Variants in PDE1A observed in about 807,000 individuals in gnomAD.
The protein encoded by PDE1A is dual specificity calcium/calmodulin-dependent 3',5'-cyclic nucleotide phosphodiesterase 1A.
Under a neutral mutation model 61.7 loss-of-function variants are expected in PDE1A, and 35 were observed. The ratio of observed to expected loss-of-function variants is 0.57; its 90% CI spans 0.43 to 0.75. PDE1A has a LOEUF of 0.75. PDE1A is among the 30% of genes least tolerant of loss of function. The pLI is 0.00. For missense variants in PDE1A, 597 were observed against 630.6 expected, an observed-to-expected ratio of 0.95 and a Z score of 0.57; for synonymous variants, 232 against 213.2, an observed-to-expected ratio of 1.09 and a Z score of -0.77.
chr2:182,630,315 C>G, the PDE1A span, among the ~76,000 whole-genome samples: 2 of 152,072 alleles, frequency 1.3e-5, no homozygotes, highest in Non-Finnish European at 2.9e-5. Context: ...TTATTTACTT[C>G]CTGATGGATT....
intron 2 of PDE1A, among the ~76,000 whole-genome samples, chr2:182,505,801 C>T (rs1219181565): frequency 6.6e-6 from 1 of 152,106 alleles, no homozygotes; most frequent in Non-Finnish European, 1.5e-5. Flanking sequence ...AGAGATTAGT[C>T]AAGAGAATGG....
At chr2:182,389,403 A>G (rs191036328) in intron 1 of PDE1A, among the ~76,000 whole-genome samples, 37 of 152,324 alleles carry the variant, frequency 2.4e-4, no homozygotes, top group Admixed American at 1.7e-3. Flanking sequence ...TACAAACCAT[A>G]GCAAGAATAC....
the PDE1A span, among the ~76,000 whole-genome samples, chr2:182,662,125 G>T: frequency 6.6e-6 from 1 of 151,706 alleles, no homozygotes; most frequent in Non-Finnish European, 1.5e-5. Flanking sequence ...AGTTTAAATG[G>T]TATACTATGA....
At chr2:182,622,690 G>A in the PDE1A span, among the ~76,000 whole-genome samples, 90 of 152,248 alleles carry the variant, frequency 5.9e-4, no homozygotes, top group African/African-American at 1.9e-3. Flanking sequence ...GGAAGCAAAG[G>A]TACTGACCTG....
chr2:182,375,641 T>C (rs1050234253), intron 1 of PDE1A, among the ~76,000 whole-genome samples: 7 of 152,224 alleles, frequency 4.6e-5, no homozygotes, highest in Non-Finnish European at 7.3e-5. Context: ...TTCTGGGGTC[T>C]GGAAGATGGT....
intron 2 of PDE1A, among the ~76,000 whole-genome samples, chr2:182,465,072 GTTT>G (rs1686565625): frequency 6.6e-6 from 1 of 151,974 alleles, no homozygotes; most frequent in Admixed American, 6.6e-5. Flanking sequence ...CATTGCCTCA[GTTT>G]TTTTAATTTG....
chr2:182,556,694 T>C, the PDE1A span, among the ~76,000 whole-genome samples: 1 of 152,214 alleles, frequency 6.6e-6, no homozygotes, highest in African/African-American at 2.4e-5. Context: ...TGCCCTAATT[T>C]TATTTCTTAA....
intron 1 of PDE1A, among the ~76,000 whole-genome samples, chr2:182,338,575 A>G (rs1022141435): frequency 1.3e-5 from 2 of 152,066 alleles, no homozygotes; most frequent in Non-Finnish European, 2.9e-5. Flanking sequence ...TCCAGGCTGG[A>G]GAGTAGTGGT....
At chr2:182,212,210 T>C (rs1452773323) in intron 7 of PDE1A, among the ~76,000 whole-genome samples, 5 of 150,762 alleles carry the variant, frequency 3.3e-5, no homozygotes, top group African/African-American at 4.9e-5. Context: ...ATATATTACG[T>C]ACGAGATAAT....
intron 2 of PDE1A, among the ~76,000 whole-genome samples, chr2:182,494,325 TG>T (rs1688580679): frequency 1.9e-5 from 1 of 52,248 alleles, no homozygotes. Flanking sequence ...AAAAAGAAAC[TG>T]TGTAGACTAT....
chr2:182,645,276 G>GCGCCCGGC, the PDE1A span, among the ~76,000 whole-genome samples: 2 of 151,580 alleles, frequency 1.3e-5, no homozygotes, highest in South Asian at 2.1e-4. Flanking sequence ...GTGAGCCACC[G>GCGCCCGGC]CCTCTTCTGT....
chr2:182,323,774 G>C (rs956503874), intron 1 of PDE1A, among the ~76,000 whole-genome samples: 1 of 152,018 alleles, frequency 6.6e-6, no homozygotes, highest in Non-Finnish European at 1.5e-5. Flanking sequence ...CGAACTCTGA[G>C]GCACCCTGTT....
At chr2:182,489,568 G>A (rs1188338431) in intron 2 of PDE1A, among the ~76,000 whole-genome samples, 1 of 152,152 alleles carries the variant, frequency 6.6e-6, no homozygotes, top group African/African-American at 2.4e-5. Flanking sequence ...GAAGTGATTG[G>A]ATTCTAGATA....
At chr2:182,613,154 T>C in the PDE1A span, among the ~76,000 whole-genome samples, 147 of 152,358 alleles carry the variant, frequency 9.6e-4, 1 homozygote, top group African/African-American at 3.3e-3. Flanking sequence ...ATACCATGCA[T>C]GACACTATTT....
the PDE1A span, among the ~76,000 whole-genome samples, chr2:182,602,146 G>A: frequency 6.6e-6 from 1 of 152,258 alleles, no homozygotes. Flanking sequence ...GGCAGAGGGA[G>A]CAGGCATTTC....
chr2:182,329,690 C>T (rs1251726421), intron 1 of PDE1A, among the ~76,000 whole-genome samples: 1 of 152,182 alleles, frequency 6.6e-6, no homozygotes, highest in Admixed American at 6.5e-5. Context: ...CAGGCCTGGC[C>T]TGTCTAATTA....
At chr2:182,213,341 A>T (rs1427266141) in intron 7 of PDE1A, among the ~76,000 whole-genome samples, 9 of 96,028 alleles carry the variant, frequency 9.4e-5, no homozygotes, top group African/African-American at 2.9e-4. Context: ...AAAACTGGAA[A>T]CTCTAAAAAG....
the PDE1A span, among the ~76,000 whole-genome samples, chr2:182,658,066 A>AC: frequency 7.8e-4 from 83 of 106,356 alleles, 1 homozygote; most frequent in Middle Eastern, 0.022. Context: ...AAAAAAAAAA[A>AC]AAAAAACAAA....
chr2:182,680,630 G>T, the PDE1A span, among the ~76,000 whole-genome samples: 1 of 152,168 alleles, frequency 6.6e-6, no homozygotes, highest in African/African-American at 2.4e-5. Flanking sequence ...TGAGTTACTA[G>T]GAAATGGTAC....
Sources: gnomAD v4.1 joint callset for allele counts (sites outside exome capture counted in the v4.1 genomes callset) on GRCh38, gnomAD v4.1.1 for gene constraint, MANE v1.5 for transcripts, NCBI Gene and HGNC (gene_info 2026-07-23, HGNC 2026-07-21) for gene names.